The following AP3D1 variants were observed in gnomAD, a reference collection of about 807,000 sequenced individuals.
AP3D1 encodes the protein AP-3 complex subunit delta-1.
AP3D1 carries 51 observed loss-of-function variants against 147.6 expected under a neutral mutation model. That is an observed-to-expected ratio of 0.35 (90% confidence interval 0.28 to 0.44). The LOEUF (loss-of-function observed/expected upper bound fraction) is 0.44. Ranked by LOEUF, AP3D1 falls within the 20% of genes least tolerant of loss-of-function variation. The pLI, the probability that AP3D1 is intolerant of heterozygous loss-of-function variation, is 1.00. For synonymous variants in AP3D1, 760 were observed against 663.0 expected (o/e 1.15, Z -2.25); for missense variants, 1,421 against 1,624.2 (o/e 0.87, Z 2.15).
At chr19:2,154,315 T>C (rs1448180332), upstream of AP3D1, among the ~76,000 whole-genome samples, 5 of 151,074 alleles carry the variant, frequency 3.3e-5, no homozygotes, top group South Asian at 8.4e-4. Flanking sequence ...AGTCTCATTC[T>C]GTCACCAGGG....
At chr19:2,106,626 G>A (rs1390750219) in intron 31 of AP3D1, among the ~76,000 whole-genome samples, 1 of 152,138 alleles carries the variant, frequency 6.6e-6, no homozygotes, top group East Asian at 1.9e-4. Flanking sequence ...AATGTTGATA[G>A]CAGCACAATT....
chr19:2,142,158 C>T (rs191239639), intron 1 of AP3D1, among the ~76,000 whole-genome samples: 20 of 152,016 alleles, frequency 1.3e-4, no homozygotes, highest in African/African-American at 4.8e-4. Context: ...GCTGGGGTTA[C>T]AAGCAGGTAC....
chr19:2,111,529 C>CGGGCCA, intron 25 of AP3D1, 150 bp downstream of exon 25: 2 of 1,244,074 alleles, frequency 1.6e-6, no homozygotes, highest in Non-Finnish European at 2.2e-6. Flanking sequence ...TGTGGGGCTG[C>CGGGCCA]GGGCCAGGGC....
Position 2,110,905 on chromosome 19 carries a change from C to A in AP3D1, c.2986-9G>T. 6.2e-7 allele frequency: 1 copy of A among 1,611,774 alleles called. No homozygotes were observed. Among genetic ancestry groups the A allele is most frequent in the South Asian group, 1.1e-5 (1 of 91,000 alleles). ...CCCCGGATGTCACAGGTCTGCAGGG[C>A]ATGGCCAGTGTTAGCAGGGCAGGCG... On this transcript the variant is annotated splice_polypyrimidine_tract_variant and intron_variant, in intron 26 of 31. Coordinates refer to ENST00000643116, the MANE Select transcript of AP3D1 (RefSeq NM_001261826.3).
chr19:2,149,846 G>A (rs1486326206), intron 1 of AP3D1, among the ~76,000 whole-genome samples: 1 of 152,194 alleles, frequency 6.6e-6, no homozygotes, highest in Middle Eastern at 3.2e-3. Context: ...CTCGGGAAGT[G>A]AACCACATTT....
At chr19:2,145,279 C>G (rs559098142) in intron 1 of AP3D1, among the ~76,000 whole-genome samples, 1 of 152,334 alleles carries the variant, frequency 6.6e-6, no homozygotes, top group East Asian at 1.9e-4. Flanking sequence ...AGGGACCACT[C>G]AGCACAGAGT....
rs2019824624 is a variant in AP3D1 at position 2,164,332 on chromosome 19, CA to C, written c.-103+23del. 4.5e-6 allele frequency: 5 copies of C among 1,121,508 alleles called. No individual in the cohort carries two copies. In the African/African-American group the frequency reaches 8.1e-5, roughly 18 times the overall value. The allele number at this position is 1,121,508 out of a possible 1,614,324, so 69.5% of individuals were successfully genotyped here. A position where few individuals can be genotyped will look rare whatever the true frequency, so the allele number is the denominator to read the frequency against. ...TCCTCCGCCGCCCCTGGGGACACCC[CA>C]AACCCCCCCAAGCCGCGCTCACCGG... On this transcript the variant is annotated intron_variant, in intron 1 of 14. Transcript: ENST00000643010.
intron 17 of AP3D1, 40 bp downstream of exon 17, chr19:2,116,565 G>A (rs779570088): frequency 1.0e-5 from 16 of 1,531,642 alleles, no homozygotes; most frequent in Non-Finnish European, 1.4e-5. Flanking sequence ...GGGACAGGAG[G>A]GAGGAGACGA....
chr19:2,151,650 C>T (rs987276359), upstream of AP3D1: 12 of 153,118 alleles, frequency 7.8e-5, no homozygotes, highest in African/African-American at 2.7e-4. Context: ...CCGCCACCTC[C>T]CCGGCAGGGA....
intron 31 of AP3D1, among the ~76,000 whole-genome samples, chr19:2,107,450 T>C (rs951079822): frequency 6.6e-6 from 1 of 151,198 alleles, no homozygotes; most frequent in Non-Finnish European, 1.5e-5. Context: ...GTTTGAAAAG[T>C]GCAATAAAGG....
intron 24 of AP3D1, 122 bp from the exon 25 acceptor site, chr19:2,111,950 G>T: frequency 6.8e-7 from 1 of 1,472,240 alleles, no homozygotes; most frequent in South Asian, 1.2e-5. Flanking sequence ...TGGGTGGGAT[G>T]GCAGGACCAG....
intron 31 of AP3D1, among the ~76,000 whole-genome samples, chr19:2,108,239 A>C (rs1047815493): frequency 1.7e-4 from 26 of 152,226 alleles, no homozygotes; most frequent in Admixed American, 7.9e-4. Flanking sequence ...AAAGCCCTCA[A>C]CAAAATATTC....
chr19:2,102,329 C>T (rs940378822), intron 31 of AP3D1, 61 bp from the exon 32 acceptor site: 16 of 1,449,536 alleles, frequency 1.1e-5, no homozygotes, highest in Non-Finnish European at 1.4e-5. Context: ...CACGGTGGCT[C>T]AAGTCTGTGA....
chr19:2,102,008 T>C lies in AP3D1; in HGVS notation c.*165A>G. 2 of 613,778 alleles carry C rather than the reference T, an allele frequency of 3.3e-6. No individual in the cohort carries two copies. Among genetic ancestry groups the C allele is most frequent in the Non-Finnish European group, 2.9e-6 (1 of 348,896 alleles). 38.0% of individuals were successfully genotyped at this position (613,778 alleles called of 1,614,324 possible). Reference sequence around the variant, plus strand: ...CAGTAAAAAAGGATGGTCAGATAATTCAACGCAACAAATGACCTCGGATGT... The same window carrying C: ...CAGTAAAAAAGGATGGTCAGATAATCCAACGCAACAAATGACCTCGGATGT... On this transcript the variant is annotated 3_prime_UTR_variant, in exon 32 of 32. Transcript: ENST00000643116.
At chr19:2,134,650 G>A (rs779148251) in intron 4 of AP3D1, among the ~76,000 whole-genome samples, 4 of 150,980 alleles carry the variant, frequency 2.6e-5, no homozygotes, top group African/African-American at 7.3e-5. Context: ...CACCCAGGCT[G>A]GAGTGCAATG....
Position 2,121,327 on chromosome 19 carries a change from C to A in AP3D1, c.1102-16G>T. ...TCTTGGACACCTGGGCAAAAGTGTA[C>A]AGACAGTGGTGAGAGCGGACCCAGC... is the stretch of plus-strand genomic sequence containing the variant. On this transcript the variant is annotated splice_polypyrimidine_tract_variant and intron_variant, in intron 12 of 31. Coordinates refer to ENST00000643116, the MANE Select transcript of AP3D1 (RefSeq NM_001261826.3). 6.2e-7 allele frequency: 1 copy of A among 1,613,700 alleles called. No homozygotes were observed. Among genetic ancestry groups the A allele is most frequent in the Non-Finnish European group, 8.5e-7 (1 of 1,179,838 alleles).
At chr19:2,127,111 C>G (rs1029467125) in intron 9 of AP3D1, 41 bp downstream of exon 9, 1 of 1,603,736 alleles carries the variant, frequency 6.2e-7, no homozygotes, top group African/African-American at 1.3e-5. Context: ...CCCAGCCTGG[C>G]AGTGCCAGCC....
At position 2,137,178 on chromosome 19, in the gene AP3D1, C is replaced by T. The variant is rs1002909360; in HGVS notation, c.274-87G>A. The stretch of plus-strand genomic sequence containing the variant: ...TCTGCTCTGCAGCGACCACACCAGG[C>T]AGCGCCAGCCCAGAAGCAACACCCT... On this transcript the variant is annotated intron_variant, in intron 3 of 31. Coordinates refer to ENST00000643116, the MANE Select transcript of AP3D1 (RefSeq NM_001261826.3). 31 of 1,200,848 alleles carry T rather than the reference C, an allele frequency of 2.6e-5. No individual in the cohort carries two copies. In the African/African-American group the frequency reaches 3.8e-4, roughly 15 times the overall value. 74.4% of individuals were successfully genotyped at this position (1,200,848 alleles called of 1,614,324 possible). A position where few individuals can be genotyped will look rare whatever the true frequency, so the allele number is the denominator to read the frequency against.
intron 3 of AP3D1, 48 bp downstream of exon 3, chr19:2,137,679 C>T: frequency 6.5e-7 from 1 of 1,536,208 alleles, no homozygotes. Flanking sequence ...GTGCCTCACA[C>T]CTGTAATCAC....
Sources: gnomAD v4.1 joint callset for allele counts (sites outside exome capture counted in the v4.1 genomes callset) on GRCh38, gnomAD v4.1.1 for gene constraint, MANE v1.5 for transcripts, NCBI Gene and HGNC (gene_info 2026-07-23, HGNC 2026-07-21) for gene names.